PDZD8: variants seen among roughly 807,000 people sequenced by gnomAD.
The protein encoded by PDZD8 is PDZ domain containing 8.
A neutral mutation model predicts 85.8 loss-of-function variants in PDZD8; 14 were observed. The ratio of observed to expected loss-of-function variants is 0.16; its 90% CI spans 0.11 to 0.26. PDZD8 has a LOEUF of 0.26. Ranked by LOEUF, PDZD8 falls within the 10% of genes least tolerant of loss-of-function variation. The probability of loss-of-function intolerance (pLI) is 1.00; values close to 1 mark genes in which losing one functional copy is unlikely to be tolerated. For missense variants in PDZD8, 1,197 were observed against 1,424.3 expected (o/e 0.84, Z 2.57); for synonymous variants, 592 against 568.6 (o/e 1.04, Z -0.59).
At position 117,282,019 on chromosome 10, in the gene PDZD8, T is replaced by C. The variant is rs910850678; in HGVS notation, c.*1249A>G. The C allele has an allele frequency of 6.6e-6, 1 of 152,190 alleles. No individual in the cohort carries two copies. The highest frequency in any genetic ancestry group is 2.4e-5 in the African/African-American group (1 of 41,444). The allele number at this position is 152,190 out of a possible 1,614,324, so 9.4% of individuals were successfully genotyped here. On this transcript the variant is annotated 3_prime_UTR_variant, in exon 5 of 5. Coordinates refer to ENST00000334464, the MANE Select transcript of PDZD8 (RefSeq NM_173791.5). ...CTCAGTCAAATGTTACTGGGACCCGTAAAATGGACCCAGTGTGAGTATATC... is the reference window on the plus strand; with the variant it reads ...CTCAGTCAAATGTTACTGGGACCCGCAAAATGGACCCAGTGTGAGTATATC...
In PDZD8 at chr10:117,279,503, G is replaced by T. The variant is rs1019245270; in HGVS notation, c.*3765C>A. 3 of 152,158 alleles carry T rather than the reference G, an allele frequency of 2.0e-5. No individual in the cohort carries two copies. The highest frequency in any genetic ancestry group is 4.4e-5 in the Non-Finnish European group (3 of 68,036). The allele number at this position is 152,158 out of a possible 1,614,324, so 9.4% of individuals were successfully genotyped here. ...AAATACATAAGGTATCATTTTGACT[G>T]TGGATATTTAATTAAAAACTATTTT... is the stretch of plus-strand genomic sequence containing the variant. On this transcript the variant is annotated 3_prime_UTR_variant, in exon 5 of 5. Coordinates refer to ENST00000334464, the MANE Select transcript of PDZD8 (RefSeq NM_173791.5).
At chr10:117,318,478 G>A (rs2133809181) in intron 3 of PDZD8, among the ~76,000 whole-genome samples, 1 of 152,198 alleles carries the variant, frequency 6.6e-6, no homozygotes, top group Non-Finnish European at 1.5e-5. Context: ...GTCTTGAACA[G>A]TTTCTCTTGC....
chr10:117,284,933 AG>A lies in PDZD8; in HGVS notation c.1799del (p.Pro600LeufsTer29). The stretch of plus-strand genomic sequence containing the variant: ...GATTTGGAGCATCGGCGGAAGGCAA[AG>A]GAACTTTCGCTTGTGGTCGTGGTGG... The part of the protein sequence containing the change: ...PVPPRPQAKV[P>X]LPSADAPNQA... On this transcript the variant is annotated frameshift_variant, in exon 5 of 5. Transcript: ENST00000334464. LOFTEE classifies it high-confidence loss of function. The A allele has an allele frequency of 1.2e-6, 2 of 1,614,146 alleles. No homozygotes were observed. Among genetic ancestry groups the A allele is most frequent in the Non-Finnish European group, 1.7e-6 (2 of 1,180,026 alleles).
chr10:117,308,282 A>G (rs1037082427), intron 3 of PDZD8, among the ~76,000 whole-genome samples: 1 of 152,074 alleles, frequency 6.6e-6, no homozygotes, highest in African/African-American at 2.4e-5. Flanking sequence ...CAATACCACT[A>G]TCTCATGATT....
intron 3 of PDZD8, among the ~76,000 whole-genome samples, chr10:117,313,606 T>C (rs1316506328): frequency 1.3e-5 from 2 of 152,200 alleles, no homozygotes; most frequent in Admixed American, 1.3e-4. Flanking sequence ...AGGAATTAGA[T>C]GTTGGGAAAC....
chr10:117,284,905 C>T lies in PDZD8; in HGVS notation c.1828G>A (p.Ala610Thr). Residue 610 changes from alanine (A) to threonine (T), a missense_variant, in exon 5 of 5, where the codon GCA becomes ACA. Transcript: ENST00000334464. ...TTTTCAACGAGAACATCTGGTTCTG[C>T]CTGATTTGGAGCATCGGCGGAAGGC... is the stretch of plus-strand genomic sequence containing the variant. ...PLPSADAPNQ[A>T]EPDVLVEKPE... 6.2e-7 allele frequency: 1 copy of T among 1,614,124 alleles called. No homozygotes were observed. Among genetic ancestry groups the T allele is most frequent in the East Asian group, 2.2e-5 (1 of 44,870 alleles).
chr10:117,340,241 G>C (rs1194440829), intron 2 of PDZD8, among the ~76,000 whole-genome samples: 1 of 152,160 alleles, frequency 6.6e-6, no homozygotes, highest in Non-Finnish European at 1.5e-5. Flanking sequence ...CGTTTTGATA[G>C]GTGACAAAGA....
rs980644504 is a variant in PDZD8, at chr10:117,278,317, A to G, written c.*4951T>C. 6.6e-6 allele frequency: 1 copy of G among 152,230 alleles called. No individual in the cohort carries two copies. Among genetic ancestry groups the G allele is most frequent in the Non-Finnish European group, 1.5e-5 (1 of 68,046 alleles). The allele number at this position is 152,230 out of a possible 1,614,324, so 9.4% of individuals were successfully genotyped here. On this transcript the variant is annotated 3_prime_UTR_variant, in exon 5 of 5. Coordinates refer to ENST00000334464, the MANE Select transcript of PDZD8 (RefSeq NM_173791.5). Reference sequence around the variant, plus strand: ...TCAATGTGAAGACAAATTTTAAATGAAAATGAAGAATGAAATTATGTCTTG... The same window carrying G: ...TCAATGTGAAGACAAATTTTAAATGGAAATGAAGAATGAAATTATGTCTTG...
At chr10:117,322,426 T>C (rs1300709004) in intron 2 of PDZD8, among the ~76,000 whole-genome samples, 1 of 152,138 alleles carries the variant, frequency 6.6e-6, no homozygotes, top group African/African-American at 2.4e-5. Context: ...CTGAGTTCCC[T>C]GATCTCTGTG....
chr10:117,315,029 G>C (rs1260766981), intron 3 of PDZD8, among the ~76,000 whole-genome samples: 1 of 152,144 alleles, frequency 6.6e-6, no homozygotes, highest in Non-Finnish European at 1.5e-5. Context: ...TGAAAGAATA[G>C]GTGGGTGTTT....
intron 3 of PDZD8, among the ~76,000 whole-genome samples, chr10:117,294,630 A>T (rs145843635): frequency 1.3e-5 from 2 of 152,330 alleles, no homozygotes; most frequent in Admixed American, 6.5e-5. Context: ...ATAAATGGAT[A>T]AAAAATGTGC....
intron 2 of PDZD8, among the ~76,000 whole-genome samples, chr10:117,330,731 T>A (rs1235764846): frequency 6.6e-6 from 1 of 152,196 alleles, no homozygotes; most frequent in Non-Finnish European, 1.5e-5. Context: ...ATATACAATT[T>A]ACTCCATAAA....
chr10:117,311,494 G>A (rs994781453), intron 3 of PDZD8, among the ~76,000 whole-genome samples: 1 of 152,118 alleles, frequency 6.6e-6, no homozygotes, highest in Non-Finnish European at 1.5e-5. Flanking sequence ...CACGTGCTAT[G>A]AGCAAAACAA....
intron 3 of PDZD8, among the ~76,000 whole-genome samples, chr10:117,317,397 C>T (rs1844147504): frequency 8.0e-6 from 1 of 125,496 alleles, no homozygotes; most frequent in Non-Finnish European, 1.8e-5. Flanking sequence ...TTCAGACATT[C>T]GTAATTTAAT....
At position 117,285,453 on chromosome 10, in the gene PDZD8, G is replaced by A. The variant is rs757144173; in HGVS notation, c.1280C>T (p.Thr427Ile). The change falls in exon 5 of 5, where the codon ACA becomes ATA. Residue 427 changes from threonine (T) to isoleucine (I), a missense_variant. By Grantham distance (89) the Thr-to-Ile change is moderately conservative. This residue lies in a region of PDZD8 where 344 missense variants were observed against 453.6 expected (regional missense o/e 0.76). Transcript: ENST00000334464. Reference sequence around the variant, plus strand: ...CTTGATAAGCTTCAACACTTGCAGTGTTGATGTGATTTTCACACCTGGTTT... The same window carrying A: ...CTTGATAAGCTTCAACACTTGCAGTATTGATGTGATTTTCACACCTGGTTT... ...IAIGGVKITS[T>I]LQVLKLIKQA... The A allele has an allele frequency of 6.3e-7, 1 of 1,584,488 alleles. No homozygotes were observed. The highest frequency in any genetic ancestry group is 8.6e-7 in the Non-Finnish European group (1 of 1,161,850).
At chr10:117,363,791 T>C (rs907852923) in intron 1 of PDZD8, among the ~76,000 whole-genome samples, 6 of 152,160 alleles carry the variant, frequency 3.9e-5, no homozygotes, top group African/African-American at 1.4e-4. Context: ...CCACCCACCA[T>C]ATCATCAGCT....
chr10:117,305,025 G>A (rs1843910494), intron 3 of PDZD8, among the ~76,000 whole-genome samples: 1 of 152,106 alleles, frequency 6.6e-6, no homozygotes, highest in South Asian at 2.1e-4. Flanking sequence ...ATGTCTGTGG[G>A]TTCTATATCC....
intron 3 of PDZD8, among the ~76,000 whole-genome samples, chr10:117,301,703 G>C (rs369598073): frequency 6.6e-6 from 1 of 152,302 alleles, no homozygotes; most frequent in South Asian, 2.1e-4. Context: ...GAAGGCTGTT[G>C]AAGATCTAGG....
chr10:117,333,946 C>A (rs1168285162), intron 2 of PDZD8, among the ~76,000 whole-genome samples: 7 of 152,110 alleles, frequency 4.6e-5, no homozygotes, highest in Non-Finnish European at 1.0e-4. Flanking sequence ...AGTTTTGAGT[C>A]TCCCCAAAAC....
Sources: gnomAD v4.1 joint callset for allele counts (sites outside exome capture counted in the v4.1 genomes callset) on GRCh38, gnomAD v4.1.1 for gene constraint, gnomAD v4.1.1 regional missense constraint, MANE v1.5 for transcripts, NCBI Gene and HGNC (gene_info 2026-07-23, HGNC 2026-07-21) for gene names.